ADAMTSL1: variants seen among roughly 807,000 people sequenced by gnomAD.
ADAMTSL1 encodes ADAMTS like 1, also known as ADAMTS-like protein 1.
A neutral mutation model predicts 201.8 loss-of-function variants in ADAMTSL1; 126 were observed. That is an observed-to-expected ratio of 0.62 (90% confidence interval 0.54 to 0.72). ADAMTSL1 has a LOEUF of 0.72. Ranked by LOEUF, ADAMTSL1 falls within the 30% of genes least tolerant of loss-of-function variation. ADAMTSL1 has a pLI of 0.00. For synonymous variants in ADAMTSL1, 1,121 were observed against 903.4 expected (o/e 1.24, Z -4.32); for missense variants, 2,679 against 2,277.8 (o/e 1.18, Z -3.59).
chr9:18,764,520 G>A (rs1202646426), intron 16 of ADAMTSL1, among the ~76,000 whole-genome samples: 1 of 152,136 alleles, frequency 6.6e-6, no homozygotes, highest in Non-Finnish European at 1.5e-5. Context: ...GCCAGGACAA[G>A]AAGTGGCTTT....
At chr9:17,946,959 A>G (rs1228621975) in intron 1 of ADAMTSL1, among the ~76,000 whole-genome samples, 1 of 152,104 alleles carries the variant, frequency 6.6e-6, no homozygotes, top group Non-Finnish European at 1.5e-5. Flanking sequence ...CCATTATAGG[A>G]CACTAGGGTT....
Position 18,828,754 on chromosome 9 carries a change from C to T in ADAMTSL1, c.4115-1089C>T, listed in dbSNP as rs1824786516. On this transcript the variant is annotated intron_variant, in intron 22 of 28. Transcript: ENST00000380548. ...ACACACACATATGTAATCTCTAGTT[C>T]ATCATTGTTTTCTCTATACAATGGT... Among the ~76,000 whole-genome samples the T allele has an allele frequency of 2.1e-5, 3 of 140,632 alleles. No individual in the cohort carries two copies. In the South Asian group the frequency reaches 6.8e-4, roughly 32 times the overall value. 92.3% of individuals were successfully genotyped at this position (140,632 alleles called of 152,430 possible).
intron 25 of ADAMTSL1, among the ~76,000 whole-genome samples, chr9:18,890,317 C>G (rs1563892596): frequency 6.6e-6 from 1 of 152,156 alleles, no homozygotes; most frequent in Non-Finnish European, 1.5e-5. Flanking sequence ...TTGTGTGGCC[C>G]AGAGTGACAC....
intron 1 of ADAMTSL1, among the ~76,000 whole-genome samples, chr9:18,500,927 G>C (rs1822796387): frequency 6.6e-6 from 1 of 152,258 alleles, no homozygotes; most frequent in East Asian, 1.9e-4. Flanking sequence ...CAGCAGTGGG[G>C]TCAGGGATAA....
chr9:18,771,011 A>T (rs1322720047), intron 17 of ADAMTSL1, among the ~76,000 whole-genome samples: 1 of 152,184 alleles, frequency 6.6e-6, no homozygotes, highest in Non-Finnish European at 1.5e-5. Context: ...GGAATTGTAA[A>T]TGGGCTCCTC....
At chr9:18,485,870 CA>C (rs1166780629) in intron 1 of ADAMTSL1, among the ~76,000 whole-genome samples, 1 of 152,136 alleles carries the variant, frequency 6.6e-6, no homozygotes, top group Non-Finnish European at 1.5e-5. Context: ...GAAGGGAGGC[CA>C]AAAGTTTCAA....
chr9:18,446,212 C>G (rs988926031), intron 2 of ADAMTSL1, among the ~76,000 whole-genome samples: 1 of 152,130 alleles, frequency 6.6e-6, no homozygotes, highest in Non-Finnish European at 1.5e-5. Context: ...TTAGGATTGA[C>G]GTTCCAGAAA....
At chr9:18,537,965 A>G (rs969264933) in intron 3 of ADAMTSL1, among the ~76,000 whole-genome samples, 3 of 122,494 alleles carry the variant, frequency 2.4e-5, no homozygotes, top group South Asian at 5.3e-4. Context: ...GGAAGAAGAG[A>G]AGAAAGAAGA....
intron 13 of ADAMTSL1, among the ~76,000 whole-genome samples, chr9:18,687,076 A>T (rs1830884014): frequency 6.6e-6 from 1 of 152,184 alleles, no homozygotes; most frequent in Non-Finnish European, 1.5e-5. Context: ...AGGGTAAGGG[A>T]AATGTATACT....
intron 1 of ADAMTSL1, among the ~76,000 whole-genome samples, chr9:18,084,729 T>C (rs1823668783): frequency 7.2e-6 from 1 of 139,008 alleles, no homozygotes. Flanking sequence ...TTGCTTTCCT[T>C]TCATCTGTCC....
chr9:18,608,644 T>G lies in ADAMTSL1; in HGVS notation c.475-13599T>G, dbSNP rs555871220. Among the ~76,000 whole-genome samples, 14 of 152,226 alleles carry G rather than the reference T, an allele frequency of 9.2e-5. No individual in the cohort carries two copies. The East Asian group carries it at 2.7e-3, about 29-fold the overall frequency. ...TATCCTGAACCCACAAGGCTAGAGTTAGAAAGAGTAGCCAAATTGCTACCT... is the reference window on the plus strand; with the variant it reads ...TATCCTGAACCCACAAGGCTAGAGTGAGAAAGAGTAGCCAAATTGCTACCT... On this transcript the variant is annotated intron_variant, in intron 4 of 28. Transcript: ENST00000380548.
chr9:18,528,385 C>A (rs913837552), intron 2 of ADAMTSL1, among the ~76,000 whole-genome samples: 4 of 152,046 alleles, frequency 2.6e-5, no homozygotes, highest in Non-Finnish European at 5.9e-5. Context: ...TGTTGTTACC[C>A]CCATGTATAC....
intron 14 of ADAMTSL1, among the ~76,000 whole-genome samples, chr9:18,709,591 A>T (rs535231949): frequency 1.3e-5 from 2 of 152,212 alleles, no homozygotes; most frequent in Non-Finnish European, 2.9e-5. Flanking sequence ...ATCAAATATC[A>T]TGTAACAATT....
upstream of ADAMTSL1, among the ~76,000 whole-genome samples, chr9:18,470,223 C>T (rs1821153584): frequency 6.6e-6 from 1 of 152,178 alleles, no homozygotes; most frequent in African/African-American, 2.4e-5. Context: ...TAATCACTCT[C>T]TAACTCCTAG....
chr9:18,099,958 T>C (rs939785681), intron 1 of ADAMTSL1, among the ~76,000 whole-genome samples: 6 of 152,164 alleles, frequency 3.9e-5, no homozygotes, highest in African/African-American at 1.4e-4. Context: ...TCACTTTCTA[T>C]TTATGAAGGC....
intron 16 of ADAMTSL1, among the ~76,000 whole-genome samples, chr9:18,755,236 T>C (rs962590518): frequency 2.6e-5 from 4 of 152,318 alleles, no homozygotes; most frequent in Admixed American, 1.3e-4. Context: ...TTACCTCTAA[T>C]TGGAGTGAAT....
At chr9:17,995,454 T>C (rs959529851) in intron 1 of ADAMTSL1, among the ~76,000 whole-genome samples, 4 of 152,130 alleles carry the variant, frequency 2.6e-5, no homozygotes, top group African/African-American at 2.4e-5. Flanking sequence ...AAAGTTATAA[T>C]GAACTGAAAG....
At chr9:18,558,148 A>G (rs1821221958) in intron 3 of ADAMTSL1, among the ~76,000 whole-genome samples, 2 of 152,012 alleles carry the variant, frequency 1.3e-5, no homozygotes, top group African/African-American at 2.4e-5. Context: ...TCCTAATGCT[A>G]TCCCTCCCCT....
intron 20 of ADAMTSL1, among the ~76,000 whole-genome samples, chr9:18,810,241 G>A (rs1823417859): frequency 6.6e-6 from 1 of 152,136 alleles, no homozygotes; most frequent in Non-Finnish European, 1.5e-5. Flanking sequence ...TAAGGAAAAA[G>A]GCCCCTGAAC....
Sources: allele counts gnomAD v4.1 joint callset (sites outside exome capture counted in the v4.1 genomes callset), GRCh38; gene constraint gnomAD v4.1.1; transcripts MANE v1.5; gene names NCBI Gene and HGNC (gene_info 2026-07-23, HGNC 2026-07-21).